Variants in AK7 observed in about 807,000 individuals in gnomAD.
AK7 encodes ATP-AMP transphosphorylase 7.
In AK7, 78 loss-of-function variants were observed where a neutral mutation model predicts 96.6. That is an observed-to-expected ratio of 0.81 (90% CI 0.67 to 0.97). AK7 has a LOEUF of 0.97. Among genes scored for constraint, AK7 ranks in the 50% least tolerant of loss-of-function variants. The probability of loss-of-function intolerance (pLI) is 0.00; values close to 1 mark genes in which losing one functional copy is unlikely to be tolerated. For synonymous variants in AK7, 302 were observed against 317.2 expected, an observed-to-expected ratio of 0.95 and a Z score of 0.51; for missense variants, 855 against 887.9, an observed-to-expected ratio of 0.96 and a Z score of 0.47.
At chr14:96,419,783 T>TA (rs1891563035) in intron 4 of AK7, among the ~76,000 whole-genome samples, 1 of 127,618 alleles carries the variant, frequency 7.8e-6, no homozygotes, top group Non-Finnish European at 1.6e-5. Flanking sequence ...TTTTTTTCTT[T>TA]CTTTTCTTTT....
chr14:96,464,035 C>T (rs371873218), intron 12 of AK7, among the ~76,000 whole-genome samples: 87 of 151,942 alleles, frequency 5.7e-4, no homozygotes, highest in African/African-American at 1.8e-3. Flanking sequence ...TTAGATCTCA[C>T]GCAGGAAAAA....
intron 5 of AK7, among the ~76,000 whole-genome samples, chr14:96,436,111 G>A (rs1005400263): frequency 1.3e-5 from 2 of 152,104 alleles, no homozygotes; most frequent in African/African-American, 4.8e-5. Context: ...TTGACTGTTT[G>A]GTAGACTTTG....
intron 5 of AK7, among the ~76,000 whole-genome samples, chr14:96,427,184 G>A (rs1892073498): frequency 6.6e-6 from 1 of 152,180 alleles, no homozygotes; most frequent in Non-Finnish European, 1.5e-5. Context: ...GGCAGAGGTT[G>A]CAGTGAGCTG....
chr14:96,399,126 C>A lies in AK7; in HGVS notation c.294+863C>A, dbSNP rs2139981259. On this transcript the variant is annotated intron_variant, in intron 2 of 17. Coordinates refer to ENST00000267584, the MANE Select transcript of AK7 (RefSeq NM_152327.5). The surrounding 1 kb of genome is among the most constrained non-coding windows in gnomAD (Gnocchi z 4.1). The stretch of plus-strand genomic sequence containing the variant: ...TGCCTGCCTAGATCATAGTGCTTTT[C>A]ACACTCGTTGTTATCACCTGTCTAT... 6.6e-6 allele frequency: 1 copy of A among 152,336 alleles called. No individual in the cohort carries two copies. Among genetic ancestry groups the A allele is most frequent in the East Asian group, 1.9e-4 (1 of 5,172 alleles). 9.4% of individuals were successfully genotyped at this position (152,336 alleles called of 1,614,324 possible). A position where few individuals can be genotyped will look rare whatever the true frequency, so the allele number is the denominator to read the frequency against.
At chr14:96,398,559 GAGTCTGTGCCATGA>G (rs1172768133) in intron 2 of AK7, 1 of 377,550 alleles carries the variant, frequency 2.6e-6, no homozygotes, top group Non-Finnish European at 4.9e-6. Context: ...TATCCAAGAC[GAGTCTGTGCCATGA>G]TGGGTGCCAT....
intron 12 of AK7, among the ~76,000 whole-genome samples, chr14:96,466,282 G>T (rs1894563075): frequency 6.6e-6 from 1 of 151,786 alleles, no homozygotes; most frequent in South Asian, 2.1e-4. Flanking sequence ...TGTCACCCAG[G>T]CTGGAGTGCA....
chr14:96,441,319 G>A (rs1892943442), intron 6 of AK7, among the ~76,000 whole-genome samples: 1 of 151,630 alleles, frequency 6.6e-6, no homozygotes, highest in Admixed American at 6.6e-5. Flanking sequence ...GGGGCCTACA[G>A]ATAATTTCAT....
chr14:96,473,401 G>A (rs1421038730), intron 14 of AK7, among the ~76,000 whole-genome samples: 2 of 150,742 alleles, frequency 1.3e-5, no homozygotes, highest in Non-Finnish European at 2.9e-5. Flanking sequence ...TCGATCTCCC[G>A]ACCCACCCGC....
chr14:96,402,831 A>G (rs776958867), intron 2 of AK7, among the ~76,000 whole-genome samples: 7 of 151,836 alleles, frequency 4.6e-5, no homozygotes, highest in Non-Finnish European at 1.0e-4. Context: ...AGGAAATCCA[A>G]TTAAATGGAG....
intron 1 of AK7, among the ~76,000 whole-genome samples, chr14:96,395,716 T>TA (rs1890028570): frequency 2.3e-5 from 1 of 43,116 alleles, no homozygotes; most frequent in Non-Finnish European, 3.8e-5. Flanking sequence ...ACCTTGTCTC[T>TA]AGAAAAAAAA....
chr14:96,394,741 C>G (rs1185303091), intron 1 of AK7, among the ~76,000 whole-genome samples: 2 of 152,172 alleles, frequency 1.3e-5, no homozygotes, highest in African/African-American at 4.8e-5. Flanking sequence ...TTTGGGAGGC[C>G]AAGGCAAGCG....
At chr14:96,392,554 T>C (rs958520355) in intron 1 of AK7, among the ~76,000 whole-genome samples, 27 of 152,238 alleles carry the variant, frequency 1.8e-4, no homozygotes, top group African/African-American at 6.0e-4. Context: ...CAAGATCACA[T>C]AGAGAGTTGA....
chr14:96,434,316 G>A (rs951701156), intron 5 of AK7, among the ~76,000 whole-genome samples: 11 of 152,176 alleles, frequency 7.2e-5, no homozygotes, highest in African/African-American at 2.7e-4. Flanking sequence ...TAGAGGTATC[G>A]CCTTGATAGT....
chr14:96,412,916 G>A (rs2140016457), intron 4 of AK7, among the ~76,000 whole-genome samples: 1 of 152,294 alleles, frequency 6.6e-6, no homozygotes, highest in Non-Finnish European at 1.5e-5. Context: ...TAAAGAAAGA[G>A]TCACTAACAT....
At chr14:96,420,798 C>T (rs1468720591) in intron 4 of AK7, 24 bp from the exon 5 acceptor site, 1 of 1,540,506 alleles carries the variant, frequency 6.5e-7, no homozygotes, top group African/African-American at 1.4e-5. Context: ...CAAGTCTGTA[C>T]CTTTTCTTTC....
intron 5 of AK7, among the ~76,000 whole-genome samples, chr14:96,422,116 G>A (rs900707164): frequency 6.6e-6 from 1 of 152,202 alleles, no homozygotes; most frequent in Non-Finnish European, 1.5e-5. Flanking sequence ...TGAGGGCAGG[G>A]ATAGGTTAGT....
At chr14:96,440,972 G>C (rs1892926230) in intron 6 of AK7, among the ~76,000 whole-genome samples, 1 of 152,056 alleles carries the variant, frequency 6.6e-6, no homozygotes, top group African/African-American at 2.4e-5. Context: ...AGACCAGCCT[G>C]GGCAACATGG....
intron 5 of AK7, among the ~76,000 whole-genome samples, chr14:96,437,490 G>A (rs1892702732): frequency 6.6e-6 from 1 of 151,962 alleles, no homozygotes; most frequent in African/African-American, 2.4e-5. Context: ...TTGGTTTCAG[G>A]TACTAGATCA....
intron 7 of AK7, among the ~76,000 whole-genome samples, chr14:96,443,988 G>T (rs1381374175): frequency 1.3e-5 from 2 of 151,876 alleles, no homozygotes; most frequent in Non-Finnish European, 2.9e-5. Flanking sequence ...TGTTAGCCAG[G>T]ATGGTCTCCA....
Sources: allele counts gnomAD v4.1 joint callset (sites outside exome capture counted in the v4.1 genomes callset), GRCh38; gene constraint gnomAD v4.1.1; non-coding constraint Gnocchi (gnomAD v3.1); transcripts MANE v1.5; gene names NCBI Gene and HGNC (gene_info 2026-07-23, HGNC 2026-07-21).